The following BAIAP2 variants were observed in gnomAD, a reference collection of about 807,000 sequenced individuals.
BAIAP2 encodes BAR/IMD domain containing adaptor protein 2, also known as BAR/IMD domain-containing adapter protein 2.
Under a neutral mutation model 63.0 loss-of-function variants are expected in BAIAP2, and 18 were observed. The ratio of observed to expected loss-of-function variants is 0.29; its 90% CI spans 0.20 to 0.42. The LOEUF is 0.42. Among genes scored for constraint, BAIAP2 ranks in the 10% least tolerant of loss-of-function variants. The pLI is 1.00. For missense variants in BAIAP2, 610 were observed against 734.3 expected (o/e 0.83, Z 1.96); for synonymous variants, 386 against 307.6 (o/e 1.25, Z -2.67).
rs538247550 is a variant in BAIAP2 at position 81,116,785 on chromosome 17, G to C, written c.*946G>C. 6.0e-6 allele frequency: 1 copy of C among 166,066 alleles called. No individual in the cohort carries two copies. The highest frequency in any genetic ancestry group is 2.4e-5 in the African/African-American group (1 of 42,134). 10.3% of individuals were successfully genotyped at this position (166,066 alleles called of 1,614,324 possible). ...AAATACAGTGTGGTGAGCTGCACTGGTGACAACAGCCCTTACCTGGCTGGG... is the reference window on the plus strand; with the variant it reads ...AAATACAGTGTGGTGAGCTGCACTGCTGACAACAGCCCTTACCTGGCTGGG... On this transcript the variant is annotated 3_prime_UTR_variant, in exon 14 of 14. Coordinates refer to ENST00000428708, the MANE Select transcript of BAIAP2 (RefSeq NM_001144888.2).
chr17:81,051,409 G>A (rs11871791), intron 1 of BAIAP2, among the ~76,000 whole-genome samples: 1 of 151,910 alleles, frequency 6.6e-6, no homozygotes, highest in African/African-American at 2.4e-5. Flanking sequence ...TTGTATTTAT[G>A]TATTTTTTTG....
At chr17:81,069,628 G>GC (rs2052198576) in intron 3 of BAIAP2, among the ~76,000 whole-genome samples, 1 of 152,190 alleles carries the variant, frequency 6.6e-6, no homozygotes, top group African/African-American at 2.4e-5. Flanking sequence ...AGTCTGCGAG[G>GC]CCCCTGGAAA....
intron 3 of BAIAP2, among the ~76,000 whole-genome samples, chr17:81,071,685 CTGTT>C (rs1299491594): frequency 1.3e-5 from 2 of 152,280 alleles, no homozygotes; most frequent in Admixed American, 1.3e-4. Context: ...CCCTGAGCCT[CTGTT>C]TGAGGGACTC....
At chr17:81,069,920 T>C (rs375411672) in intron 3 of BAIAP2, among the ~76,000 whole-genome samples, 126 of 152,198 alleles carry the variant, frequency 8.3e-4, no homozygotes, top group Non-Finnish European at 1.5e-3. Flanking sequence ...CCCAGGAAGA[T>C]TGGAGGGTTT....
intron 1 of BAIAP2, among the ~76,000 whole-genome samples, chr17:81,043,900 TC>T (rs2047433688): frequency 6.6e-6 from 1 of 152,256 alleles, no homozygotes; most frequent in Non-Finnish European, 1.5e-5. Context: ...GTCTCTGTTT[TC>T]TCATTAATTC....
intron 7 of BAIAP2, 74 bp downstream of exon 7, chr17:81,100,154 C>T: frequency 2.7e-6 from 4 of 1,506,578 alleles, no homozygotes; most frequent in Non-Finnish European, 3.5e-6. Flanking sequence ...CCTGCCCCAG[C>T]CCCAGCCCCG....
chr17:81,098,007 C>G, intron 6 of BAIAP2: 1 of 905,348 alleles, frequency 1.1e-6, no homozygotes, highest in Non-Finnish European at 1.4e-6. Context: ...CCCCGGGTGC[C>G]GGGTGTCAGC....
At chr17:81,106,476 G>A (rs2145987548) in intron 11 of BAIAP2, among the ~76,000 whole-genome samples, 1 of 152,312 alleles carries the variant, frequency 6.6e-6, no homozygotes, top group East Asian at 1.9e-4. Context: ...GCAGCTGAAA[G>A]CGGGGTACAT....
intron 2 of BAIAP2, among the ~76,000 whole-genome samples, chr17:81,056,949 C>T (rs899551158): frequency 2.2e-5 from 3 of 138,916 alleles, no homozygotes; most frequent in Non-Finnish European, 1.6e-5. Context: ...TTCTTTTGTT[C>T]GAGGCAGCAC....
intron 6 of BAIAP2, among the ~76,000 whole-genome samples, chr17:81,093,473 G>T (rs1245198844): frequency 6.6e-6 from 1 of 152,142 alleles, no homozygotes; most frequent in East Asian, 1.9e-4. Context: ...GGAGGAGGGA[G>T]GTGAGGCAGG....
intron 6 of BAIAP2, among the ~76,000 whole-genome samples, chr17:81,090,802 G>T (rs2056594668): frequency 6.6e-6 from 1 of 152,242 alleles, no homozygotes; most frequent in African/African-American, 2.4e-5. Context: ...TGGCTGGGAT[G>T]TGCTGCCGGC....
intron 1 of BAIAP2, among the ~76,000 whole-genome samples, chr17:81,041,778 G>C (rs1054086994): frequency 6.6e-6 from 1 of 151,972 alleles, no homozygotes; most frequent in Non-Finnish European, 1.5e-5. Flanking sequence ...TTCCATGTTC[G>C]TCAGGCTGGT....
chr17:81,108,633 C>A (rs2059468518), intron 13 of BAIAP2, 124 bp downstream of exon 13: 5 of 1,292,736 alleles, frequency 3.9e-6, no homozygotes, highest in South Asian at 2.5e-5. Flanking sequence ...TGGCCCTTCA[C>A]CCCTGTCAGA....
intron 1 of BAIAP2, among the ~76,000 whole-genome samples, chr17:81,045,343 C>T (rs776583127): frequency 6.6e-6 from 1 of 152,210 alleles, no homozygotes; most frequent in Non-Finnish European, 1.5e-5. Context: ...CCGTGTGGCC[C>T]TTCCCACAGG....
At chr17:81,037,982 TGAAGG>T (rs1170660171) in intron 1 of BAIAP2, among the ~76,000 whole-genome samples, 3 of 152,236 alleles carry the variant, frequency 2.0e-5, no homozygotes, top group Non-Finnish European at 2.9e-5. Context: ...TCATGGAAGA[TGAAGG>T]GGAGGGGAGT....
chr17:81,067,397 C>A (rs1387658267), intron 3 of BAIAP2, among the ~76,000 whole-genome samples: 7 of 152,224 alleles, frequency 4.6e-5, no homozygotes, highest in Non-Finnish European at 8.8e-5. Flanking sequence ...GGGGGGGCCT[C>A]ATGGTGGGCG....
chr17:81,049,084 C>CG (rs2048273892), intron 1 of BAIAP2, among the ~76,000 whole-genome samples: 1 of 152,240 alleles, frequency 6.6e-6, no homozygotes, highest in African/African-American at 2.4e-5. Flanking sequence ...CGTGCCGGCC[C>CG]GGGAACGCGG....
In BAIAP2 at chr17:81,109,808, A is replaced by ACCCCAC. The variant is rs1242859483; in HGVS notation, c.1535+1306_1535+1311dup. The stretch of plus-strand genomic sequence containing the variant: ...GACATTCCAAAGACCTCCAGAGACC[A>ACCCCAC]CCCCACCCCCACATTCCTTTGACCA... On this transcript the variant is annotated intron_variant, in intron 13 of 13. Coordinates refer to ENST00000428708, the MANE Select transcript of BAIAP2 (RefSeq NM_001144888.2). 7 of 984,968 alleles carry ACCCCAC rather than the reference A, an allele frequency of 7.1e-6. No individual in the cohort carries two copies. The East Asian group carries it at 7.9e-4, about 112-fold the overall frequency. 61.0% of individuals were successfully genotyped at this position (984,968 alleles called of 1,614,324 possible). A position where few individuals can be genotyped will look rare whatever the true frequency, so the allele number is the denominator to read the frequency against.
At chr17:81,071,065 A>G (rs1356875421) in intron 3 of BAIAP2, among the ~76,000 whole-genome samples, 1 of 150,732 alleles carries the variant, frequency 6.6e-6, no homozygotes, top group Non-Finnish European at 1.5e-5. Context: ...AAGCAGCGTC[A>G]GCTACCGTCA....
Sources: gnomAD v4.1 joint callset for allele counts (sites outside exome capture counted in the v4.1 genomes callset) on GRCh38, gnomAD v4.1.1 for gene constraint, MANE v1.5 for transcripts, NCBI Gene and HGNC (gene_info 2026-07-23, HGNC 2026-07-21) for gene names.